RNF24: variants seen among roughly 807,000 people sequenced by gnomAD.
RNF24 encodes the protein ring finger protein 24.
RNF24 carries 14 observed loss-of-function variants against 20.0 expected under a neutral mutation model. The ratio of observed to expected loss-of-function variants is 0.70; its 90% CI spans 0.46 to 1.10. RNF24 has a LOEUF of 1.10. Ranked by LOEUF, RNF24 falls within the 50% of genes least tolerant of loss-of-function variation. The pLI is 0.00. For missense variants in RNF24, 124 were observed against 177.6 expected, an observed-to-expected ratio of 0.70 and a Z score of 1.71; for synonymous variants, 45 against 61.1, an observed-to-expected ratio of 0.74 and a Z score of 1.23.
chr20:4,009,265 A>G (rs1159347528), intron 1 of RNF24, among the ~76,000 whole-genome samples: 2 of 152,226 alleles, frequency 1.3e-5, no homozygotes, highest in African/African-American at 4.8e-5. Flanking sequence ...GTAGGTAAAT[A>G]GAAAGGGATA....
At chr20:3,972,328 T>C (rs192592851) in intron 1 of RNF24, among the ~76,000 whole-genome samples, 51 of 152,300 alleles carry the variant, frequency 3.3e-4, no homozygotes, top group African/African-American at 1.2e-3. Flanking sequence ...GCACTCTACC[T>C]AGCAACAGCA....
intron 1 of RNF24, among the ~76,000 whole-genome samples, chr20:3,999,963 G>A (rs1981251427): frequency 6.6e-6 from 1 of 152,126 alleles, no homozygotes; most frequent in Non-Finnish European, 1.5e-5. Context: ...CAAATCTATA[G>A]AAATAGAAAG....
chr20:3,970,450 T>TAC (rs2091303574), intron 1 of RNF24, among the ~76,000 whole-genome samples: 1 of 152,168 alleles, frequency 6.6e-6, no homozygotes, highest in African/African-American at 2.4e-5. Context: ...TTACTCATCG[T>TAC]ACCAAGACTA....
chr20:3,981,741 C>T (rs1979401745), intron 1 of RNF24, among the ~76,000 whole-genome samples: 1 of 152,106 alleles, frequency 6.6e-6, no homozygotes, highest in South Asian at 2.1e-4. Flanking sequence ...TATGCTAGGG[C>T]AATATTTTCA....
At chr20:3,977,721 C>T (rs1389514070) in intron 1 of RNF24, among the ~76,000 whole-genome samples, 2 of 151,624 alleles carry the variant, frequency 1.3e-5, no homozygotes, top group African/African-American at 2.4e-5. Context: ...AAAAATTAGC[C>T]GGATGTGGTG....
At chr20:3,962,243 C>T (rs373285052) in intron 2 of RNF24, among the ~76,000 whole-genome samples, 1 of 152,100 alleles carries the variant, frequency 6.6e-6, no homozygotes, top group Non-Finnish European at 1.5e-5. Flanking sequence ...GTAGTCCCAG[C>T]TACTTGGGAT....
chr20:4,008,419 T>TA (rs1982106000), intron 1 of RNF24, among the ~76,000 whole-genome samples: 3 of 50,710 alleles, frequency 5.9e-5, no homozygotes, highest in African/African-American at 8.5e-5. Flanking sequence ...AATATATATA[T>TA]TATATATAAT....
intron 1 of RNF24, among the ~76,000 whole-genome samples, chr20:3,998,542 G>A (rs1204587227): frequency 5.1e-5 from 6 of 117,854 alleles, no homozygotes; most frequent in African/African-American, 1.6e-4. Flanking sequence ...AACACTGCAC[G>A]CCAGCCTGGG....
chr20:3,992,641 G>A (rs192955324), intron 1 of RNF24, among the ~76,000 whole-genome samples: 1 of 151,948 alleles, frequency 6.6e-6, no homozygotes, highest in East Asian at 1.9e-4. Flanking sequence ...TGTAAGTCTC[G>A]TACAATTGGT....
At chr20:4,008,556 A>ATT (rs1344967972) in intron 1 of RNF24, among the ~76,000 whole-genome samples, 20 of 110,116 alleles carry the variant, frequency 1.8e-4, no homozygotes, top group African/African-American at 5.9e-4. Flanking sequence ...ATATATATAT[A>ATT]TTTTTTTTTG....
At chr20:3,939,585 T>A (rs994213358) in intron 4 of RNF24, among the ~76,000 whole-genome samples, 86 of 152,238 alleles carry the variant, frequency 5.6e-4, no homozygotes, top group Non-Finnish European at 1.1e-3. Context: ...GTCACATGTA[T>A]TAAAAACTGT....
In RNF24 at chr20:3,928,653, C is replaced by CG. The variant is rs1345558173; in HGVS notation, c.*5409dup. 1 of 135,666 alleles carries CG rather than the reference C, an allele frequency of 7.4e-6. No homozygotes were observed. Among genetic ancestry groups the CG allele is most frequent in the Non-Finnish European group, 1.6e-5 (1 of 64,428 alleles). 8.4% of individuals were successfully genotyped at this position (135,666 alleles called of 1,614,324 possible). On this transcript the variant is annotated 3_prime_UTR_variant, in exon 6 of 6. Transcript: ENST00000358395. ...GCACCTGTTGTCCCAGCTCCCGAGGCGGGAGAATGGCGTGAACCTGGGAGG... is the reference window on the plus strand; with the variant it reads ...GCACCTGTTGTCCCAGCTCCCGAGGCGGGGAGAATGGCGTGAACCTGGGAGG...
intron 1 of RNF24, among the ~76,000 whole-genome samples, chr20:4,005,423 C>T (rs1414461149): frequency 6.6e-6 from 1 of 152,074 alleles, no homozygotes. Context: ...TGAGTAAAAG[C>T]CTTTATTTAA....
chr20:3,946,339 C>T (rs375422141), intron 3 of RNF24, among the ~76,000 whole-genome samples: 3 of 152,134 alleles, frequency 2.0e-5, no homozygotes, highest in South Asian at 2.1e-4. Flanking sequence ...TGGTGGTGCA[C>T]GCCTGTAATC....
chr20:4,013,700 G>C (rs1440547068), intron 1 of RNF24, among the ~76,000 whole-genome samples: 3 of 152,060 alleles, frequency 2.0e-5, no homozygotes, highest in African/African-American at 7.3e-5. Context: ...GGCCAGGCTG[G>C]TCTCAAACTT....
intron 1 of RNF24, among the ~76,000 whole-genome samples, chr20:3,985,990 C>A (rs1293363230): frequency 6.6e-6 from 1 of 152,100 alleles, no homozygotes; most frequent in East Asian, 1.9e-4. Flanking sequence ...TCTTGAACTC[C>A]TGACCTCAGG....
At chr20:3,961,873 T>C (rs1198869909) in intron 2 of RNF24, among the ~76,000 whole-genome samples, 1 of 152,218 alleles carries the variant, frequency 6.6e-6, no homozygotes, top group Non-Finnish European at 1.5e-5. Flanking sequence ...ATATATGCTA[T>C]GGCTAATTCT....
At chr20:3,935,252 T>C (rs1478652547) in intron 4 of RNF24, among the ~76,000 whole-genome samples, 179 bp from the exon 5 acceptor site, 1 of 152,010 alleles carries the variant, frequency 6.6e-6, no homozygotes, top group Admixed American at 6.6e-5. Flanking sequence ...TAGATGAATG[T>C]CTCCTGCTCT....
intron 1 of RNF24, among the ~76,000 whole-genome samples, chr20:4,013,754 G>A (rs1466224689): frequency 6.6e-6 from 1 of 152,022 alleles, no homozygotes; most frequent in African/African-American, 2.4e-5. Context: ...CAAAGTGCTG[G>A]GATTACAGGT....
Sources: allele counts gnomAD v4.1 joint callset (sites outside exome capture counted in the v4.1 genomes callset), GRCh38; gene constraint gnomAD v4.1.1; transcripts MANE v1.5; gene names NCBI Gene and HGNC (gene_info 2026-07-23, HGNC 2026-07-21).